The following CTNNA3 variants were observed in gnomAD, a reference collection of about 807,000 sequenced individuals.
The protein encoded by CTNNA3 is catenin alpha-3.
A neutral mutation model predicts 95.7 loss-of-function variants in CTNNA3; 76 were observed. That is an observed-to-expected ratio of 0.79 (90% confidence interval 0.66 to 0.96). The LOEUF (loss-of-function observed/expected upper bound fraction) is 0.96. Ranked by LOEUF, CTNNA3 falls within the 40% of genes least tolerant of loss-of-function variation. The pLI is 0.00. For missense variants in CTNNA3, 1,191 were observed against 1,089.8 expected, an observed-to-expected ratio of 1.09 and a Z score of -1.31; for synonymous variants, 431 against 374.4, an observed-to-expected ratio of 1.15 and a Z score of -1.74.
intron 6 of CTNNA3, among the ~76,000 whole-genome samples, chr10:67,199,344 GT>G (rs57972349): frequency 6.6e-6 from 1 of 151,672 alleles, no homozygotes; most frequent in East Asian, 1.9e-4. Flanking sequence ...ATGGCTACAA[GT>G]TTTTTTTGTT....
chr10:67,400,320 A>G (rs1844871060), intron 5 of CTNNA3, among the ~76,000 whole-genome samples: 1 of 152,222 alleles, frequency 6.6e-6, no homozygotes. Flanking sequence ...ATAACAAATG[A>G]TTCTCCAATA....
At chr10:66,680,778 G>A (rs1847039299) in intron 9 of CTNNA3, among the ~76,000 whole-genome samples, 1 of 152,160 alleles carries the variant, frequency 6.6e-6, no homozygotes, top group South Asian at 2.1e-4. Flanking sequence ...CTTCCAAACA[G>A]ATGGATACGT....
chr10:66,042,170 A>G (rs913511019), intron 15 of CTNNA3, among the ~76,000 whole-genome samples: 39 of 152,318 alleles, frequency 2.6e-4, no homozygotes, highest in African/African-American at 8.9e-4. Flanking sequence ...GGTAGTAAAC[A>G]TCATCCAGGT....
At chr10:66,887,979 CT>C (rs1845107506) in intron 7 of CTNNA3, among the ~76,000 whole-genome samples, 1 of 152,092 alleles carries the variant, frequency 6.6e-6, no homozygotes, top group African/African-American at 2.4e-5. Context: ...ACCAAAAGGA[CT>C]GTGCAGATGT....
intron 7 of CTNNA3, among the ~76,000 whole-genome samples, chr10:66,901,283 A>G (rs1564753009): frequency 6.6e-6 from 1 of 152,342 alleles, no homozygotes; most frequent in Middle Eastern, 3.4e-3. Flanking sequence ...ACTACCATTC[A>G]TAAGTGAAGG....
chr10:66,561,924 C>T (rs1465386605), intron 10 of CTNNA3, among the ~76,000 whole-genome samples: 3 of 151,740 alleles, frequency 2.0e-5, no homozygotes, highest in Non-Finnish European at 4.4e-5. Context: ...TACATCGTGA[C>T]GATGGTTTGT....
At chr10:67,141,863 T>G (rs1316610089) in intron 7 of CTNNA3, among the ~76,000 whole-genome samples, 1 of 152,132 alleles carries the variant, frequency 6.6e-6, no homozygotes, top group Non-Finnish European at 1.5e-5. Context: ...TTTTTTTTCT[T>G]ATTTATAGAT....
chr10:66,918,971 T>A (rs565978052), intron 7 of CTNNA3, among the ~76,000 whole-genome samples: 24 of 151,826 alleles, frequency 1.6e-4, no homozygotes, highest in Admixed American at 1.4e-3. Flanking sequence ...CTGTCTCTAC[T>A]AAAAATACAA....
At chr10:67,448,792 T>TA (rs1312507638) in intron 5 of CTNNA3, among the ~76,000 whole-genome samples, 2 of 149,540 alleles carry the variant, frequency 1.3e-5, no homozygotes, top group African/African-American at 2.4e-5. Flanking sequence ...AAAAACTTGA[T>TA]AAAAAATTAC....
rs544199697 is a variant in CTNNA3 at position 66,462,061 on chromosome 10, C to T, written c.1531+58556G>A. 8.5e-5 allele frequency among the ~76,000 whole-genome samples: 13 copies of T among 152,108 alleles called. 1 individual carries two copies. The highest frequency in any genetic ancestry group is 2.1e-4 in the South Asian group (1 of 4,814). On this transcript the variant is annotated intron_variant, in intron 11 of 17. Transcript: ENST00000433211. Reference sequence around the variant, plus strand: ...CTCCTACCTTGTGATCCACCCACCTCGTCCCCCCAAAGTGCCAGGATTACA... The same window carrying T: ...CTCCTACCTTGTGATCCACCCACCTTGTCCCCCCAAAGTGCCAGGATTACA...
intron 5 of CTNNA3, among the ~76,000 whole-genome samples, chr10:67,257,406 T>C (rs1447068997): frequency 6.6e-6 from 1 of 152,264 alleles, no homozygotes; most frequent in Non-Finnish European, 1.5e-5. Flanking sequence ...ATTGCCACAT[T>C]AATTTTCTCA....
intron 5 of CTNNA3, among the ~76,000 whole-genome samples, chr10:67,395,305 A>G: frequency 6.6e-6 from 1 of 152,200 alleles, no homozygotes; most frequent in East Asian, 1.9e-4. Flanking sequence ...GAAAAAACTA[A>G]GAGACTTTCT....
At chr10:66,773,246 TCTC>T (rs1344605464) in intron 8 of CTNNA3, among the ~76,000 whole-genome samples, 1 of 152,076 alleles carries the variant, frequency 6.6e-6, no homozygotes, top group African/African-American at 2.4e-5. Flanking sequence ...ACATACCACT[TCTC>T]CTACAACAGA....
At chr10:66,012,939 C>T (rs2079032126) in intron 15 of CTNNA3, among the ~76,000 whole-genome samples, 1 of 152,168 alleles carries the variant, frequency 6.6e-6, no homozygotes, top group Admixed American at 6.5e-5. Flanking sequence ...CAGCTCTTGT[C>T]ACCCAGGCTG....
chr10:66,334,854 A>G (rs1359598865), intron 12 of CTNNA3, among the ~76,000 whole-genome samples: 1 of 152,052 alleles, frequency 6.6e-6, no homozygotes, highest in Non-Finnish European at 1.5e-5. Flanking sequence ...TCTCCCCATC[A>G]CTTTCAGGTA....
chr10:67,391,004 G>A (rs1181068362), intron 5 of CTNNA3, among the ~76,000 whole-genome samples: 1 of 152,158 alleles, frequency 6.6e-6, no homozygotes. Flanking sequence ...ACAAGACAGG[G>A]ATGCCCTCTC....
At chr10:66,237,618 T>C (rs2089919414) in intron 13 of CTNNA3, among the ~76,000 whole-genome samples, 1 of 152,012 alleles carries the variant, frequency 6.6e-6, no homozygotes, top group African/African-American at 2.4e-5. Flanking sequence ...AATAATGACC[T>C]ACAATAGTGG....
intron 9 of CTNNA3, among the ~76,000 whole-genome samples, chr10:66,721,894 C>A (rs1848639391): frequency 6.6e-6 from 1 of 152,100 alleles, no homozygotes; most frequent in Non-Finnish European, 1.5e-5. Context: ...AGGAAAAAAA[C>A]CTTTAAAAAC....
At chr10:66,243,487 T>C (rs1408575350) in intron 13 of CTNNA3, among the ~76,000 whole-genome samples, 2 of 152,200 alleles carry the variant, frequency 1.3e-5, no homozygotes, top group African/African-American at 4.8e-5. Context: ...ATTCCTTTTT[T>C]TCTATTGATT....
Sources: allele counts gnomAD v4.1 joint callset (sites outside exome capture counted in the v4.1 genomes callset), GRCh38; gene constraint gnomAD v4.1.1; transcripts MANE v1.5; gene names NCBI Gene and HGNC (gene_info 2026-07-23, HGNC 2026-07-21).